ZFYVE28: variants seen among roughly 807,000 people sequenced by gnomAD.
ZFYVE28 encodes zinc finger FYVE-type containing 28.
A neutral mutation model predicts 82.1 loss-of-function variants in ZFYVE28; 40 were observed. The ratio of observed to expected loss-of-function variants is 0.49; its 90% CI spans 0.38 to 0.63. The LOEUF (loss-of-function observed/expected upper bound fraction) is 0.63. ZFYVE28 is among the 30% of genes least tolerant of loss of function. The pLI is 0.00. For synonymous variants in ZFYVE28, 612 were observed against 546.1 expected (o/e 1.12, Z -1.68); for missense variants, 1,321 against 1,242.1 (o/e 1.06, Z -0.96).
In ZFYVE28 at chr4:2,308,683, G is replaced by GAAAGAAAGA. The variant is rs1553830773; in HGVS notation, c.804-3148_804-3147insTCTTTCTTT. On this transcript the variant is annotated intron_variant, in intron 7 of 12. Coordinates refer to ENST00000290974, the MANE Select transcript of ZFYVE28 (RefSeq NM_020972.3). ...AAAGAAAGAAAGAAAGAAAGAGAAA[G>GAAAGAAAGA]AAAGAAAAGAAAAGAAAAGAAAAAA... 1.1e-4 allele frequency among the ~76,000 whole-genome samples: 9 copies of GAAAGAAAGA among 81,512 alleles called. No homozygotes were observed. The South Asian group carries it at 1.4e-3, about 13-fold the overall frequency. The allele number at this position is 81,512 out of a possible 152,430, so 53.5% of individuals were successfully genotyped here.
At chr4:2,307,216 G>T (rs1716715589) in intron 7 of ZFYVE28, 1 of 152,174 alleles carries the variant, frequency 6.6e-6, no homozygotes, top group Non-Finnish European at 1.5e-5. Context: ...TAAAGTTCCT[G>T]TTCAAGCTTT....
chr4:2,270,815 G>C lies in ZFYVE28; in HGVS notation c.2574C>G (p.Pro858=). 1 of 1,613,060 alleles carries C rather than the reference G, an allele frequency of 6.2e-7. No individual in the cohort carries two copies. ...GGACCGGCTTCACCTGCCCGTAGCG[G>C]GGCAGCGGTGCTGAGTGCGAGGAGC... ...SRCSSHSAPL[P]RYGQVKPVRV... is the part of the protein sequence containing the mutation. Residue 858 remains proline, a synonymous_variant, in exon 13 of 13, where the codon CCC becomes CCG. Transcript: ENST00000290974.
chr4:2,309,778 G>A (rs768117894), intron 7 of ZFYVE28, among the ~76,000 whole-genome samples: 14 of 152,166 alleles, frequency 9.2e-5, no homozygotes, highest in Non-Finnish European at 1.3e-4. Context: ...ACGCACGGAC[G>A]AAATCTGTTT....
chr4:2,405,930 T>C (rs1731841163), intron 1 of ZFYVE28, among the ~76,000 whole-genome samples: 1 of 151,408 alleles, frequency 6.6e-6, no homozygotes, highest in South Asian at 2.1e-4. Flanking sequence ...GCGCCTGTAA[T>C]CCCAGCTACT....
intron 7 of ZFYVE28, chr4:2,316,104 A>G (rs1394791474): frequency 6.6e-6 from 1 of 151,832 alleles, no homozygotes; most frequent in Non-Finnish European, 1.5e-5. Context: ...CTGCGTCCTT[A>G]TTGTCAAATT....
intron 5 of ZFYVE28, among the ~76,000 whole-genome samples, chr4:2,336,838 G>T (rs1271947534): frequency 2.0e-5 from 3 of 148,572 alleles, no homozygotes; most frequent in African/African-American, 2.5e-5. Context: ...GGTGAGGAGT[G>T]AGGAGGTGAG....
At position 2,304,308 on chromosome 4, in the gene ZFYVE28, G is replaced by T; in HGVS notation, c.2032C>A (p.Gln678Lys). Reference protein sequence around the residue: ...AGSPSAHEAPQALSGSSSSTA... With the variant: ...AGSPSAHEAPKALSGSSSSTA... ...TCTTACCTGGAGCCCGACAGGGCCT[G>T]AGGCGCCTCGTGAGCCGAGGGGCTC... Residue 678 changes from glutamine to lysine, a missense_variant, in exon 8 of 13, where the codon CAG becomes AAG. Gln to Lys is a moderately conservative substitution (Grantham distance 53). This residue lies in a region of ZFYVE28 where 978 missense variants were observed against 833.7 expected (regional missense o/e 1.17). Coordinates refer to ENST00000290974, the MANE Select transcript of ZFYVE28 (RefSeq NM_020972.3). 2 of 1,592,658 alleles carry T rather than the reference G, an allele frequency of 1.3e-6. No homozygotes were observed. Among genetic ancestry groups the T allele is most frequent in the Non-Finnish European group, 8.5e-7 (1 of 1,174,774 alleles).
chr4:2,395,338 A>C (rs1000363970), intron 1 of ZFYVE28, among the ~76,000 whole-genome samples: 4 of 152,074 alleles, frequency 2.6e-5, no homozygotes, highest in African/African-American at 9.7e-5. Context: ...ACTTAACTAC[A>C]CTGTTTCTCA....
chr4:2,399,209 G>A (rs1578388014), intron 1 of ZFYVE28, among the ~76,000 whole-genome samples: 1 of 152,220 alleles, frequency 6.6e-6, no homozygotes. Context: ...CACAGAGTGG[G>A]GTGATAACCA....
At chr4:2,404,962 C>T (rs1047133737) in intron 1 of ZFYVE28, among the ~76,000 whole-genome samples, 68 of 149,260 alleles carry the variant, frequency 4.6e-4, no homozygotes, top group Non-Finnish European at 1.0e-4. Flanking sequence ...AACTCCTGGG[C>T]TCAAGCAATC....
intron 1 of ZFYVE28, among the ~76,000 whole-genome samples, chr4:2,397,466 G>C (rs1305057859): frequency 7.4e-6 from 1 of 135,126 alleles, no homozygotes; most frequent in African/African-American, 2.7e-5. Flanking sequence ...GGCCAGACTC[G>C]GTCTCAAAAA....
At chr4:2,297,104 A>G (rs1714694609) in intron 8 of ZFYVE28, among the ~76,000 whole-genome samples, 1 of 152,198 alleles carries the variant, frequency 6.6e-6, no homozygotes, top group South Asian at 2.1e-4. Flanking sequence ...GGAACGAAGC[A>G]CATCAGAAGT....
chr4:2,304,410 C>A lies in ZFYVE28; in HGVS notation c.1930G>T (p.Asp644Tyr). Residue 644 changes from aspartate to tyrosine, a missense_variant, in exon 8 of 13, where the codon GAC becomes TAC. Transcript: ENST00000290974. ...TCTCCTTGCAGCCCACTCGCTGTGT[C>A]CACCTGGGAACCTGAGGTGTGAGGC... ...CLPHTSGSQV[D>Y]TASGLQGEAG... 6.2e-7 allele frequency: 1 copy of A among 1,613,540 alleles called. No homozygotes were observed.
At position 2,304,913 on chromosome 4, in the gene ZFYVE28, G is replaced by T. The variant is rs1278689296; in HGVS notation, c.1427C>A (p.Thr476Asn). ...EGTDGASLAG[T>N]SSCSCLDSRL... ...CGAGTCCAGGCAGCTGCAGGAGCTG[G>T]TGCCCGCGAGGCTGGCCCCATCTGT... is the stretch of plus-strand genomic sequence containing the variant. The change falls in exon 8 of 13, where the codon ACC becomes AAC. Residue 476 changes from threonine to asparagine, a missense_variant. Around this residue, in one of 2 missense-constraint regions of ZFYVE28, gnomAD observed 978 missense variants for 833.7 expected, o/e 1.17. Transcript: ENST00000290974. The T allele has an allele frequency of 6.2e-7, 1 of 1,612,578 alleles. No homozygotes were observed. Among genetic ancestry groups the T allele is most frequent in the Non-Finnish European group, 8.5e-7 (1 of 1,179,882 alleles).
At chr4:2,324,868 G>T in intron 6 of ZFYVE28, 1 of 172,056 alleles carries the variant, frequency 5.8e-6, no homozygotes, top group South Asian at 1.6e-4. Context: ...GGGCCCTGAG[G>T]AATTATGGAA....
rs1048754925 is a variant in ZFYVE28 at position 2,409,324 on chromosome 4, C to A, written c.39+8961G>T. Among the ~76,000 whole-genome samples the A allele has an allele frequency of 6.6e-6, 1 of 151,970 alleles. No individual in the cohort carries two copies. The highest frequency in any genetic ancestry group is 1.5e-5 in the Non-Finnish European group (1 of 67,984). On this transcript the variant is annotated intron_variant, in intron 1 of 12. Transcript: ENST00000290974. This position sits in a 1 kb window ranked among gnomAD's most constrained non-coding sequence, Gnocchi z 4.4. ...CTCTCGCTGGAATCCCCGCCACCCA[C>A]CAGTCCCAGCTTCCAATCTCGTCTC...
At chr4:2,404,091 C>T (rs189633359) in intron 1 of ZFYVE28, among the ~76,000 whole-genome samples, 99 of 151,714 alleles carry the variant, frequency 6.5e-4, no homozygotes, top group South Asian at 1.5e-3. Flanking sequence ...GAGGCTGAGA[C>T]GGGCGGATCA....
rs893095890 is a variant in ZFYVE28, at chr4:2,418,406, A to C, written c.-83T>G. ...CGGGCCCGGCTGAGGCGCGGGGCGG[A>C]CGCGGAGGCACGGCCGGAGCCCCCG... On this transcript the variant is annotated 5_prime_UTR_variant, in exon 1 of 13. Coordinates refer to ENST00000290974, the MANE Select transcript of ZFYVE28 (RefSeq NM_020972.3). The surrounding 1 kb of genome is among the most constrained non-coding windows in gnomAD (Gnocchi z 4.6). 9.3e-7 allele frequency: 1 copy of C among 1,071,904 alleles called. No individual in the cohort carries two copies. The highest frequency in any genetic ancestry group is 5.1e-5 in the Admixed American group (1 of 19,744). The allele number at this position is 1,071,904 out of a possible 1,614,324, so 66.4% of individuals were successfully genotyped here. A position where few individuals can be genotyped will look rare whatever the true frequency, so the allele number is the denominator to read the frequency against.
intron 1 of ZFYVE28, among the ~76,000 whole-genome samples, chr4:2,355,270 AT>A (rs1725135984): frequency 1.1e-4 from 2 of 18,986 alleles, no homozygotes; most frequent in Non-Finnish European, 2.0e-4. Flanking sequence ...ATATATATAT[AT>A]AATGATTCTT....
Sources: gnomAD v4.1 joint callset for allele counts (sites outside exome capture counted in the v4.1 genomes callset) on GRCh38, gnomAD v4.1.1 for gene constraint, gnomAD v4.1.1 regional missense constraint, Gnocchi (gnomAD v3.1) non-coding constraint, MANE v1.5 for transcripts, NCBI Gene and HGNC (gene_info 2026-07-23, HGNC 2026-07-21) for gene names.